The following RUNDC3B variants were observed in gnomAD, a reference collection of about 807,000 sequenced individuals.
RUNDC3B encodes RUN domain-containing protein 3B.
In RUNDC3B, 33 loss-of-function variants were observed where a neutral mutation model predicts 58.4. That is an observed-to-expected ratio of 0.56 (90% CI 0.43 to 0.75). RUNDC3B has a LOEUF of 0.75. RUNDC3B is among the 30% of genes least tolerant of loss of function. The probability of loss-of-function intolerance (pLI) is 0.00; values close to 1 mark genes in which losing one functional copy is unlikely to be tolerated. For synonymous variants in RUNDC3B, 193 were observed against 195.2 expected, an observed-to-expected ratio of 0.99 and a Z score of 0.10; for missense variants, 501 against 535.7, an observed-to-expected ratio of 0.94 and a Z score of 0.64.
At chr7:87,692,864 T>C (rs1422572323) in intron 2 of RUNDC3B, among the ~76,000 whole-genome samples, 3 of 152,258 alleles carry the variant, frequency 2.0e-5, no homozygotes, top group African/African-American at 7.2e-5. Context: ...TTATAGATCC[T>C]TTTGGATATG....
At chr7:87,811,661 A>G (rs980984483) in intron 9 of RUNDC3B, among the ~76,000 whole-genome samples, 10 of 151,996 alleles carry the variant, frequency 6.6e-5, no homozygotes, top group African/African-American at 2.2e-4. Flanking sequence ...AATTTTTTAT[A>G]ATGACTTTCA....
chr7:87,652,305 C>T (rs538362349), intron 2 of RUNDC3B, among the ~76,000 whole-genome samples: 2 of 152,120 alleles, frequency 1.3e-5, no homozygotes, highest in East Asian at 3.9e-4. Context: ...TGTTGAGACT[C>T]CCATGCCAAG....
chr7:87,802,327 T>A (rs1421215098), intron 8 of RUNDC3B, among the ~76,000 whole-genome samples: 1 of 151,800 alleles, frequency 6.6e-6, no homozygotes, highest in African/African-American at 2.4e-5. Flanking sequence ...ACTCAGAGAT[T>A]GAGGCTGCAA....
chr7:87,755,964 T>C (rs1300522606), intron 6 of RUNDC3B, among the ~76,000 whole-genome samples: 1 of 152,138 alleles, frequency 6.6e-6, no homozygotes, highest in African/African-American at 2.4e-5. Flanking sequence ...TTAAAAAATA[T>C]TGTCCTGTAA....
chr7:87,735,969 A>C (rs555884678), intron 4 of RUNDC3B, among the ~76,000 whole-genome samples: 3 of 152,314 alleles, frequency 2.0e-5, no homozygotes, highest in African/African-American at 7.2e-5. Flanking sequence ...TTTAATAAAT[A>C]TTTGTTTATT....
chr7:87,660,859 A>G (rs962462047), intron 2 of RUNDC3B, among the ~76,000 whole-genome samples: 4 of 151,986 alleles, frequency 2.6e-5, no homozygotes, highest in African/African-American at 9.7e-5. Flanking sequence ...TTCTGAAAAT[A>G]GGAGATTTTA....
At chr7:87,660,039 C>A (rs1007773001) in intron 2 of RUNDC3B, among the ~76,000 whole-genome samples, 48 of 152,028 alleles carry the variant, frequency 3.2e-4, no homozygotes, top group Non-Finnish European at 4.0e-4. Flanking sequence ...GGTTTAGGTT[C>A]TGTGTTTATG....
At chr7:87,755,671 G>A (rs944537069) in intron 6 of RUNDC3B, among the ~76,000 whole-genome samples, 1 of 152,002 alleles carries the variant, frequency 6.6e-6, no homozygotes, top group African/African-American at 2.4e-5. Context: ...AATTCAACAC[G>A]CCTTTGCATT....
Position 87,685,705 on chromosome 7 carries a change from TGAA to T in RUNDC3B, c.239-14714_239-14712del, listed in dbSNP as rs1827391732. On this transcript the variant is annotated intron_variant, in intron 2 of 10. Transcript: ENST00000394654. ...GGGTGGGGGTTGACAAGCATCATGA[TGAA>T]GGAGTTTCTTTGCATGATGAAACTG... Among the ~76,000 whole-genome samples, 3 of 152,194 alleles carry T rather than the reference TGAA, an allele frequency of 2.0e-5. No individual in the cohort carries two copies. The South Asian group carries it at 6.2e-4, about 32-fold the overall frequency.
intron 2 of RUNDC3B, among the ~76,000 whole-genome samples, chr7:87,683,546 GAGAA>G (rs905385506): frequency 6.6e-6 from 1 of 152,126 alleles, no homozygotes; most frequent in Non-Finnish European, 1.5e-5. Flanking sequence ...GAGACCTGAG[GAGAA>G]AGAGAGAGAT....
chr7:87,733,959 A>AG (rs1484078013), intron 4 of RUNDC3B, among the ~76,000 whole-genome samples: 1 of 152,222 alleles, frequency 6.6e-6, no homozygotes, highest in East Asian at 1.9e-4. Flanking sequence ...AGTAATAAAA[A>AG]GACAACTCAT....
intron 2 of RUNDC3B, among the ~76,000 whole-genome samples, chr7:87,654,826 CA>C (rs1585014193): frequency 2.0e-5 from 3 of 151,824 alleles, no homozygotes; most frequent in Non-Finnish European, 4.4e-5. Flanking sequence ...GGCTAATTTC[CA>C]AAATATATGA....
intron 2 of RUNDC3B, among the ~76,000 whole-genome samples, chr7:87,670,141 A>G (rs1825682136): frequency 1.3e-5 from 2 of 152,154 alleles, no homozygotes; most frequent in Non-Finnish European, 2.9e-5. Context: ...ACATGATCCA[A>G]TACTTCTCAC....
At position 87,680,745 on chromosome 7, in the gene RUNDC3B, A is replaced by C. The variant is rs921450911; in HGVS notation, c.239-19676A>C. On this transcript the variant is annotated intron_variant, in intron 2 of 10. Transcript: ENST00000394654. ...GGGAGGCGGAGGGTGCAGTGAGCCAAGATCGCGCCATTGCACTCCAGCTTG... is the reference window on the plus strand; with the variant it reads ...GGGAGGCGGAGGGTGCAGTGAGCCACGATCGCGCCATTGCACTCCAGCTTG... 1.1e-3 allele frequency among the ~76,000 whole-genome samples: 162 copies of C among 150,424 alleles called. 12 individuals carry two copies. Among genetic ancestry groups the C allele is most frequent in the African/African-American group, 3.4e-3 (139 of 40,512 alleles).
chr7:87,664,697 T>C (rs1188529558), intron 2 of RUNDC3B, among the ~76,000 whole-genome samples: 2 of 152,010 alleles, frequency 1.3e-5, no homozygotes, highest in Non-Finnish European at 2.9e-5. Flanking sequence ...ATAGAAATGA[T>C]CCAATCTGAA....
chr7:87,825,622 T>A (rs1837762056), intron 10 of RUNDC3B, among the ~76,000 whole-genome samples: 1 of 152,112 alleles, frequency 6.6e-6, no homozygotes, highest in Non-Finnish European at 1.5e-5. Context: ...GAATTGTAGA[T>A]CCACTGACAT....
chr7:87,664,397 G>C (rs1182824675), intron 2 of RUNDC3B, among the ~76,000 whole-genome samples: 1 of 152,104 alleles, frequency 6.6e-6, no homozygotes, highest in East Asian at 1.9e-4. Flanking sequence ...CAAGGAAGCA[G>C]GAAAATGTGA....
chr7:87,635,527 C>T (rs539650250), intron 1 of RUNDC3B, among the ~76,000 whole-genome samples: 1 of 152,312 alleles, frequency 6.6e-6, no homozygotes, highest in Non-Finnish European at 1.5e-5. Context: ...AGTGTCAAGT[C>T]TGTAGTCAAC....
At chr7:87,644,023 T>A (rs1006406171) in intron 1 of RUNDC3B, among the ~76,000 whole-genome samples, 1 of 152,196 alleles carries the variant, frequency 6.6e-6, no homozygotes, top group Non-Finnish European at 1.5e-5. Flanking sequence ...CATACCTGGA[T>A]AATTTTTATA....
Sources: gnomAD v4.1 joint callset for allele counts (sites outside exome capture counted in the v4.1 genomes callset) on GRCh38, gnomAD v4.1.1 for gene constraint, MANE v1.5 for transcripts, NCBI Gene and HGNC (gene_info 2026-07-23, HGNC 2026-07-21) for gene names.